NDOR1: variants seen among roughly 807,000 people sequenced by gnomAD.
NDOR1 encodes NADPH dependent diflavin oxidoreductase 1, also known as NADPH-dependent diflavin oxidoreductase 1.
In NDOR1, 61 loss-of-function variants were observed where a neutral mutation model predicts 67.2. The ratio of observed to expected loss-of-function variants is 0.91; its 90% CI spans 0.74 to 1.12. The LOEUF (loss-of-function observed/expected upper bound fraction) is 1.12. Ranked by LOEUF, NDOR1 falls within the 50% of genes most tolerant of loss-of-function variation. The pLI, the probability that NDOR1 is intolerant of heterozygous loss-of-function variation, is 0.00. For synonymous variants in NDOR1, 378 were observed against 343.7 expected (o/e 1.10, Z -1.10); for missense variants, 878 against 802.8 (o/e 1.09, Z -1.13).
Position 137,216,350 on chromosome 9 carries a change from G to A in NDOR1, c.1728G>A (p.Pro576=), listed in dbSNP as rs201786404. ...AGGAGGAGGGTGGACTCTGCAGCCCGGACGCAGCCGCGTATCTAGCCAGGC... is the reference window on the plus strand; with the variant it reads ...AGGAGGAGGGTGGACTCTGCAGCCCAGACGCAGCCGCGTATCTAGCCAGGC... ...IFQEEGGLCS[P]DAAAYLARLQ... is the part of the protein sequence containing the mutation. The change falls in exon 14 of 14, where the codon CCG becomes CCA. Residue 576 remains proline (P), a synonymous_variant. Transcript: ENST00000684003. 132 of 1,609,604 alleles carry A rather than the reference G, an allele frequency of 8.2e-5. 2 individuals carry two copies. Among genetic ancestry groups the A allele is most frequent in the Admixed American group, 6.3e-4 (38 of 59,998 alleles).
rs1397098053 is a variant in NDOR1, at chr9:137,213,813, G to C, written c.345G>C (p.Arg115=). Residue 115 remains arginine (R), a synonymous_variant, in exon 4 of 14, where the codon CGG becomes CGC. Coordinates refer to ENST00000684003, the MANE Select transcript of NDOR1 (RefSeq NM_014434.4). The part of the protein sequence containing the change: ...FNFVAKKLHR[R]LLQLGGSALL... ...TCGTGGCCAAGAAGCTGCACCGACG[G>C]CTACTGCAGCTTGGGGGCAGCGCCC... is the stretch of plus-strand genomic sequence containing the variant. 1.2e-6 allele frequency: 2 copies of C among 1,612,518 alleles called. No homozygotes were observed. The highest frequency in any genetic ancestry group is 1.7e-6 in the Non-Finnish European group (2 of 1,179,646).
Position 137,212,980 on chromosome 9 carries a change from A to G in NDOR1, c.311+381A>G, listed in dbSNP as rs1208322287. 6.6e-6 allele frequency among the ~76,000 whole-genome samples: 1 copy of G among 152,186 alleles called. No individual in the cohort carries two copies. ...TGCCTTTTCTCCTGGGCATTTTCAC[A>G]GTGCTCCTCTGCACCCTAAGCAAGG... On this transcript the variant is annotated intron_variant, in intron 3 of 13. Transcript: ENST00000684003. The surrounding 1 kb of genome is among the most constrained non-coding windows in gnomAD (Gnocchi z 4.3).
intron 8 of NDOR1, 31 bp downstream of exon 8, chr9:137,215,049 T>TGAGCTACAGCC: frequency 6.2e-7 from 1 of 1,612,434 alleles, no homozygotes; most frequent in Non-Finnish European, 8.5e-7. Flanking sequence ...GCCCAGCCCC[T>TGAGCTACAGCC]GAGCTACAGC....
rs1018272301 is a variant in NDOR1, at chr9:137,219,024, T to A, written c.*2608T>A. 2.9e-5 allele frequency: 5 copies of A among 170,350 alleles called. No individual in the cohort carries two copies. Among genetic ancestry groups the A allele is most frequent in the Non-Finnish European group, 4.9e-5 (4 of 80,810 alleles). 10.6% of individuals were successfully genotyped at this position (170,350 alleles called of 1,614,324 possible). ...AAGCAAACAGAGATACAGCAGTGAG[T>A]CAGTTCCTTGGAGAGGGCAGGGACT... is the stretch of plus-strand genomic sequence containing the variant. On this transcript the variant is annotated 3_prime_UTR_variant, in exon 14 of 14. Transcript: ENST00000684003.
At position 137,218,459 on chromosome 9, in the gene NDOR1, A is replaced by G. The variant is rs902261270; in HGVS notation, c.*2043A>G. The stretch of plus-strand genomic sequence containing the variant: ...ACCCTGCCTGGGTGCCCGGCTCTGG[A>G]CCCTGCGGGAGCGGGGACCCTGTGC... On this transcript the variant is annotated 3_prime_UTR_variant, in exon 14 of 14. Transcript: ENST00000684003. 5.0e-6 allele frequency: 2 copies of G among 397,528 alleles called. No homozygotes were observed. The highest frequency in any genetic ancestry group is 3.6e-5 in the East Asian group (1 of 27,904). 24.6% of individuals were successfully genotyped at this position (397,528 alleles called of 1,614,324 possible). A position where few individuals can be genotyped will look rare whatever the true frequency, so the allele number is the denominator to read the frequency against.
At chr9:137,209,842 A>T (rs1053833712) in intron 2 of NDOR1, among the ~76,000 whole-genome samples, 15 of 152,234 alleles carry the variant, frequency 9.9e-5, no homozygotes, top group Admixed American at 5.9e-4. Context: ...CTGTAATCCC[A>T]ACACTTTGGG....
intron 2 of NDOR1, among the ~76,000 whole-genome samples, chr9:137,208,175 C>G (rs1319458635): frequency 7.2e-6 from 1 of 138,292 alleles, no homozygotes; most frequent in Non-Finnish European, 1.6e-5. Context: ...AAGAGCCGGG[C>G]ACTGTGGCTC....
rs772574730 is a variant in NDOR1, at chr9:137,212,537, C to T, written c.249C>T (p.Pro83=). 7 of 1,613,982 alleles carry T rather than the reference C, an allele frequency of 4.3e-6. No homozygotes were observed. The highest frequency in any genetic ancestry group is 1.7e-5 in the Admixed American group (1 of 59,998). The part of the protein sequence containing the change: ...FWRFIFRKNL[P]STALCQMDFA... ...GGTTTATATTCCGGAAGAACCTGCC[C>T]TCCACTGCCCTCTGTCAGATGGACT... The change falls in exon 3 of 14, where the codon CCC becomes CCT. Residue 83 remains proline, a synonymous_variant. Transcript: ENST00000684003. This position sits in a 1 kb window ranked among gnomAD's most constrained non-coding sequence, Gnocchi z 4.3.
At position 137,212,309 on chromosome 9, in the gene NDOR1, C is replaced by T. The variant is rs1835298337; in HGVS notation, c.214-193C>T. Among the ~76,000 whole-genome samples, 2 of 152,102 alleles carry T rather than the reference C, an allele frequency of 1.3e-5. No homozygotes were observed. The highest frequency in any genetic ancestry group is 2.9e-5 in the Non-Finnish European group (2 of 68,000). On this transcript the variant is annotated intron_variant, in intron 2 of 13. Transcript: ENST00000684003. The surrounding 1 kb of genome is among the most constrained non-coding windows in gnomAD (Gnocchi z 4.3). Reference sequence around the variant, plus strand: ...GACCTGGTCTCCCTAGACGCTGGACCAGCCCTGCCTCCTCCCGGTGCCCAT... The same window carrying T: ...GACCTGGTCTCCCTAGACGCTGGACTAGCCCTGCCTCCTCCCGGTGCCCAT...
At chr9:137,207,455 G>A (rs902683222) in intron 2 of NDOR1, among the ~76,000 whole-genome samples, 4 of 152,040 alleles carry the variant, frequency 2.6e-5, no homozygotes, top group African/African-American at 9.7e-5. Flanking sequence ...GAGAAGTGCA[G>A]TAGGACTAGC....
chr9:137,214,096 GGC>G lies in NDOR1; in HGVS notation c.512+31_512+32del, dbSNP rs779393790. On this transcript the variant is annotated intron_variant, in intron 5 of 13. Coordinates refer to ENST00000684003, the MANE Select transcript of NDOR1 (RefSeq NM_014434.4). The stretch of plus-strand genomic sequence containing the variant: ...GAGTGTGGGCCCCGGGTCACCCACA[GGC>G]GCAGCAGACCCAACCTGGCCTGGGG... 6.5e-6 allele frequency: 10 copies of G among 1,532,238 alleles called. No individual in the cohort carries two copies. In the Admixed American group the frequency reaches 2.0e-4, roughly 30 times the overall value. 94.9% of individuals were successfully genotyped at this position (1,532,238 alleles called of 1,614,324 possible). A position where few individuals can be genotyped will look rare whatever the true frequency, so the allele number is the denominator to read the frequency against.
At position 137,217,789 on chromosome 9, in the gene NDOR1, C is replaced by T. The variant is rs565899544; in HGVS notation, c.*1373C>T. The T allele has an allele frequency of 5.1e-6, 2 of 395,982 alleles. No individual in the cohort carries two copies. Among genetic ancestry groups the T allele is most frequent in the South Asian group, 1.4e-4 (1 of 6,998 alleles). The allele number at this position is 395,982 out of a possible 1,614,324, so 24.5% of individuals were successfully genotyped here. On this transcript the variant is annotated 3_prime_UTR_variant, in exon 14 of 14. Coordinates refer to ENST00000684003, the MANE Select transcript of NDOR1 (RefSeq NM_014434.4). ...TGTCCTCCTATCCTGACTCCTGCCC[C>T]AGGGCCACCACCCCTGAACTGTGCC... is the stretch of plus-strand genomic sequence containing the variant.
intron 2 of NDOR1, among the ~76,000 whole-genome samples, chr9:137,211,929 C>T (rs1438753546): frequency 1.3e-5 from 2 of 152,008 alleles, no homozygotes; most frequent in African/African-American, 2.4e-5. Flanking sequence ...CGGTGTGGAA[C>T]CAGAGGATCT....
Position 137,212,688 on chromosome 9 carries a change from G to A in NDOR1, c.311+89G>A. The A allele has an allele frequency of 7.7e-7, 1 of 1,300,554 alleles. No individual in the cohort carries two copies. The highest frequency in any genetic ancestry group is 1.5e-5 in the African/African-American group (1 of 68,614). The allele number at this position is 1,300,554 out of a possible 1,614,324, so 80.6% of individuals were successfully genotyped here. ...GGCAGAGGACCGAGACCAGCTTCCA[G>A]GGTCGGCCCCTGCGCGCCTCAGGGC... On this transcript the variant is annotated intron_variant, in intron 3 of 13. Transcript: ENST00000684003. This position sits in a 1 kb window ranked among gnomAD's most constrained non-coding sequence, Gnocchi z 4.3.
In NDOR1 at chr9:137,214,709, C is replaced by T; in HGVS notation, c.844+18C>T. 3 of 1,600,558 alleles carry T rather than the reference C, an allele frequency of 1.9e-6. No individual in the cohort carries two copies. Among genetic ancestry groups the T allele is most frequent in the Non-Finnish European group, 2.5e-6 (3 of 1,179,454 alleles). The stretch of plus-strand genomic sequence containing the variant: ...GGAGCCAGGTGAGCCCAGCCTCGGC[C>T]ACCCTGACTCTCTGCCCTCTCCCGT... On this transcript the variant is annotated intron_variant, in intron 7 of 13. Coordinates refer to ENST00000684003, the MANE Select transcript of NDOR1 (RefSeq NM_014434.4).
At chr9:137,206,191 T>C (rs1246100512) in intron 1 of NDOR1, 41 bp from the exon 2 acceptor site, 1 of 1,612,202 alleles carries the variant, frequency 6.2e-7, no homozygotes, top group African/African-American at 1.3e-5. Flanking sequence ...CGCCCGGTCC[T>C]TACAGCCGGA....
At chr9:137,214,473 G>A in intron 6 of NDOR1, 60 bp downstream of exon 6, 1 of 1,611,442 alleles carries the variant, frequency 6.2e-7, no homozygotes, top group Non-Finnish European at 8.5e-7. Flanking sequence ...CTGGGGTTCG[G>A]AGGAGGCTGG....
At position 137,217,079 on chromosome 9, in the gene NDOR1, G is replaced by A. The variant is rs1835648257; in HGVS notation, c.*663G>A. On this transcript the variant is annotated 3_prime_UTR_variant, in exon 14 of 14. Coordinates refer to ENST00000684003, the MANE Select transcript of NDOR1 (RefSeq NM_014434.4). ...CCTGGGTGCTGGGTGCTGGATGGAT[G>A]GGCGTCCTCTAGCTCCTCCCGGTGC... 1 of 174,560 alleles carries A rather than the reference G, an allele frequency of 5.7e-6. No individual in the cohort carries two copies. Among genetic ancestry groups the A allele is most frequent in the African/African-American group, 2.7e-5 (1 of 37,252 alleles). 10.8% of individuals were successfully genotyped at this position (174,560 alleles called of 1,614,324 possible).
Position 137,216,602 on chromosome 9 carries a change from C to A in NDOR1, c.*186C>A. On this transcript the variant is annotated 3_prime_UTR_variant, in exon 14 of 14. Transcript: ENST00000684003. ...CTGGATCCCACCCTTTGAGCCTGAC[C>A]CCACTGCAGCCTCTGCCCAGCCAGC... 1 of 736,050 alleles carries A rather than the reference C, an allele frequency of 1.4e-6. No homozygotes were observed. The allele number at this position is 736,050 out of a possible 1,614,324, so 45.6% of individuals were successfully genotyped here.
Sources: allele counts gnomAD v4.1 joint callset (sites outside exome capture counted in the v4.1 genomes callset), GRCh38; gene constraint gnomAD v4.1.1; non-coding constraint Gnocchi (gnomAD v3.1); transcripts MANE v1.5; gene names NCBI Gene and HGNC (gene_info 2026-07-23, HGNC 2026-07-21).